THBS4: variants seen among roughly 807,000 people sequenced by gnomAD.
THBS4 encodes the protein thrombospondin 4.
A neutral mutation model predicts 115.7 loss-of-function variants in THBS4; 90 were observed. That is an observed-to-expected ratio of 0.78 (90% confidence interval 0.66 to 0.93). THBS4 has a LOEUF of 0.93. Among genes scored for constraint, THBS4 ranks in the 40% least tolerant of loss-of-function variants. The probability of loss-of-function intolerance (pLI) is 0.00; values close to 1 mark genes in which losing one functional copy is unlikely to be tolerated. For missense variants in THBS4, 1,087 were observed against 1,232.7 expected (o/e 0.88, Z 1.77); for synonymous variants, 460 against 479.3 (o/e 0.96, Z 0.53).
intron 20 of THBS4, 34 bp from the exon 21 acceptor site, chr5:80,082,372 T>C (rs774048693): frequency 6.2e-7 from 1 of 1,609,570 alleles, no homozygotes; most frequent in African/African-American, 1.3e-5. Flanking sequence ...CGGGTTGGAT[T>C]TCATGGAGGC....
At chr5:80,033,486 G>A (rs1580927273), upstream of THBS4, among the ~76,000 whole-genome samples, 1 of 152,224 alleles carries the variant, frequency 6.6e-6, no homozygotes, top group Non-Finnish European at 1.5e-5. Context: ...TGAGAAGGCA[G>A]AAGCTAGAAT....
At chr5:80,038,991 C>T (rs1196231543) in intron 1 of THBS4, among the ~76,000 whole-genome samples, 1 of 152,168 alleles carries the variant, frequency 6.6e-6, no homozygotes, top group Non-Finnish European at 1.5e-5. Flanking sequence ...ACTCCTGCAT[C>T]ATTAGGTAAA....
At chr5:80,053,597 G>A (rs1335391465) in intron 2 of THBS4, among the ~76,000 whole-genome samples, 2 of 146,304 alleles carry the variant, frequency 1.4e-5, no homozygotes, top group African/African-American at 5.0e-5. Flanking sequence ...TCCCACCCTG[G>A]GACAGCTGAA....
chr5:80,025,528 C>A (rs1465136331), intron 2 of THBS4, among the ~76,000 whole-genome samples: 1 of 152,144 alleles, frequency 6.6e-6, no homozygotes, highest in Non-Finnish European at 1.5e-5. Context: ...GGATGAAGTA[C>A]CTGGCCCCAC....
intron 2 of THBS4, among the ~76,000 whole-genome samples, chr5:80,030,070 C>CT (rs1233812465): frequency 6.6e-6 from 1 of 152,146 alleles, no homozygotes; most frequent in African/African-American, 2.4e-5. Flanking sequence ...TTTGGAATAG[C>CT]TTTTTTCCTG....
In THBS4 at chr5:80,061,898, C is replaced by T; in HGVS notation, c.1125+66C>T. On this transcript the variant is annotated intron_variant, in intron 8 of 21. Coordinates refer to ENST00000350881, the MANE Select transcript of THBS4 (RefSeq NM_003248.6). ...CAAAACAACTGTGGTTGGTTCCCAC[C>T]TCTTTGGTATAAACCTTTACCTCCA... The T allele has an allele frequency of 6.7e-6, 10 of 1,494,690 alleles. No individual in the cohort carries two copies. In the Admixed American group the frequency reaches 1.6e-4, roughly 23 times the overall value. 92.6% of individuals were successfully genotyped at this position (1,494,690 alleles called of 1,614,324 possible).
At chr5:80,002,328 G>A (rs879720376) in intron 2 of THBS4, among the ~76,000 whole-genome samples, 1 of 152,064 alleles carries the variant, frequency 6.6e-6, no homozygotes, top group Admixed American at 6.6e-5. Flanking sequence ...TGAAAACAGA[G>A]GTTTCTCCTA....
At chr5:80,033,678 C>T (rs1832630330), upstream of THBS4, among the ~76,000 whole-genome samples, 2 of 152,242 alleles carry the variant, frequency 1.3e-5, no homozygotes, top group Non-Finnish European at 2.9e-5. Flanking sequence ...CAGGCAGTGT[C>T]TGGTGGCACA....
Position 80,071,038 on chromosome 5 carries a change from T to G in THBS4, c.1578T>G (p.Ile526Met), listed in dbSNP as rs1398878255. 1.9e-6 allele frequency: 3 copies of G among 1,613,324 alleles called. No individual in the cohort carries two copies. The highest frequency in any genetic ancestry group is 2.5e-6 in the Non-Finnish European group (3 of 1,179,896). The part of the protein sequence containing the change: ...ILNEQDNCVL[I>M]HNVDQRNSDK... ...TCTTTTAGGATAACTGTGTCCTGAT[T>G]CATAATGTGGACCAAAGGAACAGCG... is the stretch of plus-strand genomic sequence containing the variant. The change falls in exon 13 of 22, where the codon ATT (isoleucine) becomes ATG (methionine). Residue 526 changes from isoleucine to methionine, a missense_variant. Physicochemically the swap from Ile to Met is conservative, Grantham distance 10. Transcript: ENST00000350881.
intron 2 of THBS4, among the ~76,000 whole-genome samples, chr5:80,054,091 A>G (rs962941788): frequency 1.3e-5 from 2 of 152,120 alleles, no homozygotes; most frequent in African/African-American, 4.8e-5. Flanking sequence ...AAAACAAAAC[A>G]AAAACAAAAA....
chr5:80,057,619 T>C (rs1385149797), intron 3 of THBS4, among the ~76,000 whole-genome samples: 1 of 152,248 alleles, frequency 6.6e-6, no homozygotes, highest in Non-Finnish European at 1.5e-5. Flanking sequence ...TGTTTTGTTG[T>C]ATATAGATAT....
chr5:80,076,491 A>C (rs1302996140), intron 15 of THBS4, among the ~76,000 whole-genome samples: 1 of 152,152 alleles, frequency 6.6e-6, no homozygotes, highest in African/African-American at 2.4e-5. Flanking sequence ...CTGAGCCAGG[A>C]TTTACACTGA....
intron 14 of THBS4, 91 bp downstream of exon 14, chr5:80,072,487 C>G: frequency 8.5e-7 from 1 of 1,179,008 alleles, no homozygotes; most frequent in Non-Finnish European, 1.2e-6. Flanking sequence ...ACAGCAGAGC[C>G]TCTTAGCTGT....
intron 1 of THBS4, among the ~76,000 whole-genome samples, chr5:80,038,440 G>T (rs765473917): frequency 1.6e-4 from 24 of 152,106 alleles, no homozygotes; most frequent in Non-Finnish European, 2.9e-5. Context: ...TTTAGCCAGG[G>T]TTGTAATATA....
At chr5:80,029,254 C>T in intron 2 of THBS4, among the ~76,000 whole-genome samples, 1 of 152,142 alleles carries the variant, frequency 6.6e-6, no homozygotes. Flanking sequence ...GCAAATACAT[C>T]TAGACACCTG....
chr5:80,037,090 T>C (rs1832742208), intron 1 of THBS4, among the ~76,000 whole-genome samples: 1 of 152,158 alleles, frequency 6.6e-6, no homozygotes. Context: ...ACTTCAAAAG[T>C]CTTATTGTGA....
In THBS4 at chr5:80,055,899, G is replaced by A. The variant is rs141030302; in HGVS notation, c.407G>A (p.Arg136Gln). The part of the protein sequence containing the change: ...RILLRLSNLQ[R>Q]GAGSLELYLD... ...CTCCTGAGGCTGAGCAATTTGCAGC[G>A]AGGGGCCGGCTCCCTAGAGCTCTAC... Residue 136 changes from arginine (R) to glutamine (Q), a missense_variant, in exon 3 of 22, where the codon CGA becomes CAA. Arg to Gln is a conservative substitution (Grantham distance 43). This residue lies in a region of THBS4 where 979 missense variants were observed against 1,103.7 expected (regional missense o/e 0.89). Coordinates refer to ENST00000350881, the MANE Select transcript of THBS4 (RefSeq NM_003248.6). 62 of 1,614,180 alleles carry A rather than the reference G, an allele frequency of 3.8e-5. No homozygotes were observed. Among genetic ancestry groups the A allele is most frequent in the East Asian group, 1.3e-4 (6 of 44,888 alleles).
intron 2 of THBS4, among the ~76,000 whole-genome samples, chr5:80,006,717 A>G (rs1174450819): frequency 6.6e-6 from 1 of 152,126 alleles, no homozygotes; most frequent in African/African-American, 2.4e-5. Context: ...AAGGAGTCTC[A>G]CTGCCATTGC....
intron 2 of THBS4, among the ~76,000 whole-genome samples, chr5:80,016,123 G>T (rs1417631242): frequency 6.6e-6 from 1 of 152,172 alleles, no homozygotes. Flanking sequence ...CTCTTCCTGT[G>T]TCACACATTC....
Sources: gnomAD v4.1 joint callset for allele counts (sites outside exome capture counted in the v4.1 genomes callset) on GRCh38, gnomAD v4.1.1 for gene constraint, gnomAD v4.1.1 regional missense constraint, MANE v1.5 for transcripts, NCBI Gene and HGNC (gene_info 2026-07-23, HGNC 2026-07-21) for gene names.